The following KBTBD12 variants were observed in gnomAD, a reference collection of about 807,000 sequenced individuals.
KBTBD12 encodes kelch repeat and BTB domain containing 12.
KBTBD12 carries 53 observed loss-of-function variants against 58.7 expected under a neutral mutation model. That is an observed-to-expected ratio of 0.90 (90% CI 0.72 to 1.14). The LOEUF (loss-of-function observed/expected upper bound fraction) is 1.14, where lower values mean the gene tolerates loss of function less well. Ranked by LOEUF, KBTBD12 falls within the 50% of genes most tolerant of loss-of-function variation. The pLI is 0.00. For synonymous variants in KBTBD12, 236 were observed against 259.8 expected, an observed-to-expected ratio of 0.91 and a Z score of 0.88; for missense variants, 704 against 751.3, an observed-to-expected ratio of 0.94 and a Z score of 0.74.
In KBTBD12 at chr3:127,923,721, C is replaced by A; in HGVS notation, c.660C>A (p.Val220=). The A allele has an allele frequency of 6.2e-7, 1 of 1,613,782 alleles. No homozygotes were observed. Among genetic ancestry groups the A allele is most frequent in the South Asian group, 1.1e-5 (1 of 91,044 alleles). The part of the protein sequence containing the change: ...TVHLVELLKQ[V]RLELVNPSFL... ...ATCTTGTTGAGCTTTTGAAGCAAGTCAGATTGGAACTTGTAAATCCTTCTT... is the reference window on the plus strand; with the variant it reads ...ATCTTGTTGAGCTTTTGAAGCAAGTAAGATTGGAACTTGTAAATCCTTCTT... The change falls in exon 2 of 6, where the codon GTC becomes GTA. Residue 220 remains valine, a synonymous_variant. Coordinates refer to ENST00000405109, the MANE Select transcript of KBTBD12 (RefSeq NM_207335.4).
In KBTBD12 at chr3:127,955,914, C is replaced by A. The variant is rs544134453; in HGVS notation, c.1493-7275C>A. On this transcript the variant is annotated intron_variant, in intron 4 of 5. Coordinates refer to ENST00000405109, the MANE Select transcript of KBTBD12 (RefSeq NM_207335.4). ...AAGTTACTTGCTCAAAGTGTCCTGG[C>A]ACTGATAAGCCAGAATAGGCTGTCA... Among the ~76,000 whole-genome samples, 3 of 152,276 alleles carry A rather than the reference C, an allele frequency of 2.0e-5. No individual in the cohort carries two copies. The East Asian group carries it at 5.8e-4, about 29-fold the overall frequency.
chr3:127,959,033 C>T (rs1940376008), intron 4 of KBTBD12, among the ~76,000 whole-genome samples: 2 of 152,164 alleles, frequency 1.3e-5, no homozygotes, highest in Admixed American at 1.3e-4. Context: ...CTGTGTTAGA[C>T]TTTAGAAAGT....
At position 127,923,559 on chromosome 3, in the gene KBTBD12, T is replaced by C; in HGVS notation, c.498T>C (p.His166=). 1 of 1,613,302 alleles carries C rather than the reference T, an allele frequency of 6.2e-7. No homozygotes were observed. Among genetic ancestry groups the C allele is most frequent in the Non-Finnish European group, 8.5e-7 (1 of 1,179,678 alleles). Residue 166 remains histidine, a synonymous_variant, in exon 2 of 6, where the codon CAT becomes CAC. Transcript: ENST00000405109. ...AGCACTTTGCCGAGGTGAGCTTACA[T>C]GAAGAAATACTAGAAATCGAAGTGC... ...LYQHFAEVSL[H]EEILEIEVHQ... is the part of the protein sequence containing the mutation.
rs540306080 is a variant in KBTBD12 at position 127,977,673 on chromosome 3, G to C, written c.1691-6424G>C. Among the ~76,000 whole-genome samples the C allele has an allele frequency of 3.3e-5, 5 of 151,970 alleles. No homozygotes were observed. In the East Asian group the frequency reaches 9.6e-4, roughly 29 times the overall value. Reference sequence around the variant, plus strand: ...GTGTCCTTTGCCCACTTTTTAATGGGGTTGTTTGTTTTTTGTTTAATTTAT... The same window carrying C: ...GTGTCCTTTGCCCACTTTTTAATGGCGTTGTTTGTTTTTTGTTTAATTTAT... On this transcript the variant is annotated intron_variant, in intron 5 of 5. Transcript: ENST00000405109.
At chr3:127,954,135 T>C (rs1480274627) in intron 4 of KBTBD12, among the ~76,000 whole-genome samples, 2 of 152,212 alleles carry the variant, frequency 1.3e-5, no homozygotes, top group Admixed American at 6.5e-5. Context: ...AAATCTTTTG[T>C]CATTTGTACA....
intron 4 of KBTBD12, among the ~76,000 whole-genome samples, chr3:127,957,627 T>C (rs986312048): frequency 6.6e-6 from 1 of 152,128 alleles, no homozygotes; most frequent in Non-Finnish European, 1.5e-5. Context: ...TCACTTTCTG[T>C]TTTGACCGCT....
At chr3:127,957,057 T>C (rs891786510) in intron 4 of KBTBD12, among the ~76,000 whole-genome samples, 2 of 152,194 alleles carry the variant, frequency 1.3e-5, no homozygotes, top group Non-Finnish European at 2.9e-5. Flanking sequence ...GAGGAAAATA[T>C]CGATTACCAA....
At chr3:127,957,669 G>A (rs1325227152) in intron 4 of KBTBD12, among the ~76,000 whole-genome samples, 1 of 151,930 alleles carries the variant, frequency 6.6e-6, no homozygotes, top group Non-Finnish European at 1.5e-5. Context: ...AAAAGTATAA[G>A]AAAAAAAGAT....
intron 4 of KBTBD12, among the ~76,000 whole-genome samples, chr3:127,935,998 C>T (rs1215598750): frequency 6.6e-6 from 1 of 151,942 alleles, no homozygotes; most frequent in African/African-American, 2.4e-5. Context: ...ATAAAATTGC[C>T]AATAATATCA....
intron 5 of KBTBD12, among the ~76,000 whole-genome samples, chr3:127,975,024 A>G (rs748892480): frequency 6.6e-6 from 1 of 152,236 alleles, no homozygotes; most frequent in Non-Finnish European, 1.5e-5. Flanking sequence ...CCCCCAAAGC[A>G]TACCTTGAAA....
At chr3:127,921,730 G>C (rs566484207) in intron 1 of KBTBD12, among the ~76,000 whole-genome samples, 1 of 152,172 alleles carries the variant, frequency 6.6e-6, no homozygotes, top group South Asian at 2.1e-4. Flanking sequence ...ATTGTTTTTT[G>C]TGGTTGTTGT....
In KBTBD12 at chr3:127,960,113, G is replaced by C. The variant is rs546990654; in HGVS notation, c.1493-3076G>C. ...TGACCCTGCAGGCAGAGGACATTGG[G>C]AGCAAGCACCACTGCATTCAAGGGC... is the stretch of plus-strand genomic sequence containing the variant. On this transcript the variant is annotated intron_variant, in intron 4 of 5. Coordinates refer to ENST00000405109, the MANE Select transcript of KBTBD12 (RefSeq NM_207335.4). 4.6e-5 allele frequency among the ~76,000 whole-genome samples: 7 copies of C among 152,258 alleles called. No individual in the cohort carries two copies. The South Asian group carries it at 1.5e-3, about 32-fold the overall frequency.
chr3:127,982,765 C>G (rs978452831), intron 5 of KBTBD12, among the ~76,000 whole-genome samples: 6 of 152,226 alleles, frequency 3.9e-5, no homozygotes, highest in African/African-American at 7.2e-5. Flanking sequence ...TGTCCCAGCT[C>G]CAGTGCTCTC....
At chr3:127,964,703 T>C (rs1940528932) in intron 5 of KBTBD12, among the ~76,000 whole-genome samples, 1 of 151,668 alleles carries the variant, frequency 6.6e-6, no homozygotes, top group African/African-American at 2.4e-5. Context: ...CTGTCTGAAA[T>C]TTGTTTTAAT....
chr3:127,944,413 T>C (rs1337394358), intron 4 of KBTBD12, among the ~76,000 whole-genome samples: 1 of 152,240 alleles, frequency 6.6e-6, no homozygotes, highest in African/African-American at 2.4e-5. Flanking sequence ...TGGTTAAATT[T>C]ATTTCTAAGT....
intron 4 of KBTBD12, among the ~76,000 whole-genome samples, chr3:127,938,795 C>T (rs967372748): frequency 7.9e-5 from 12 of 152,154 alleles, no homozygotes; most frequent in Non-Finnish European, 1.3e-4. Context: ...GTTTCTGGCT[C>T]TAGGTAAAAT....
intron 1 of KBTBD12, among the ~76,000 whole-genome samples, chr3:127,921,728 T>C (rs551459253): frequency 1.3e-5 from 2 of 152,242 alleles, no homozygotes; most frequent in Admixed American, 1.3e-4. Flanking sequence ...AAATTGTTTT[T>C]TGTGGTTGTT....
At position 127,930,242 on chromosome 3, in the gene KBTBD12, G is replaced by A. The variant is rs754112085; in HGVS notation, c.1451G>A (p.Arg484Gln). 10 of 1,611,248 alleles carry A rather than the reference G, an allele frequency of 6.2e-6. No homozygotes were observed. Among genetic ancestry groups the A allele is most frequent in the African/African-American group, 5.3e-5 (4 of 74,858 alleles). ...GCACCCATGAAGTACTCTAAGTACCGATTCAGTACAGCTGTAGTCAACAGT... is the reference window on the plus strand; with the variant it reads ...GCACCCATGAAGTACTCTAAGTACCAATTCAGTACAGCTGTAGTCAACAGT... ...VRAPMKYSKY[R>Q]FSTAVVNSEI... Residue 484 changes from arginine (R) to glutamine (Q), a missense_variant, in exon 4 of 6, where the codon CGA becomes CAA. By Grantham distance (43) the Arg-to-Gln change is conservative (BLOSUM62 1). Coordinates refer to ENST00000405109, the MANE Select transcript of KBTBD12 (RefSeq NM_207335.4).
intron 5 of KBTBD12, among the ~76,000 whole-genome samples, chr3:127,980,139 T>C (rs964710420): frequency 1.3e-5 from 2 of 152,020 alleles, no homozygotes; most frequent in African/African-American, 2.4e-5. Flanking sequence ...TTAGTAGACA[T>C]TGAAACATGA....
Sources: allele counts gnomAD v4.1 joint callset (sites outside exome capture counted in the v4.1 genomes callset), GRCh38; gene constraint gnomAD v4.1.1; transcripts MANE v1.5; gene names NCBI Gene and HGNC (gene_info 2026-07-23, HGNC 2026-07-21).